Variants in GRIK1 observed in about 807,000 individuals in gnomAD.
GRIK1 encodes the protein glutamate ionotropic receptor kainate type subunit 1.
In GRIK1, 69 loss-of-function variants were observed where a neutral mutation model predicts 105.7. That is an observed-to-expected ratio of 0.65 (90% CI 0.54 to 0.80). The LOEUF (loss-of-function observed/expected upper bound fraction) is 0.80, where lower values mean the gene tolerates loss of function less well. Among genes scored for constraint, GRIK1 ranks in the 30% least tolerant of loss-of-function variants. GRIK1 has a pLI of 0.00. For missense variants in GRIK1, 1,109 were observed against 1,167.3 expected (o/e 0.95, Z 0.73); for synonymous variants, 438 against 431.3 (o/e 1.02, Z -0.19).
intron 1 of GRIK1, among the ~76,000 whole-genome samples, chr21:29,806,103 T>C (rs966964354): frequency 1.1e-4 from 17 of 152,216 alleles, no homozygotes; most frequent in African/African-American, 3.9e-4. Flanking sequence ...ATTTACTGTA[T>C]GCATTTATTT....
intron 6 of GRIK1, among the ~76,000 whole-genome samples, chr21:29,647,988 G>A (rs1266083697): frequency 6.6e-6 from 1 of 151,966 alleles, no homozygotes; most frequent in East Asian, 1.9e-4. Flanking sequence ...CTGGTGTCAA[G>A]ACTTTTTGGA....
At chr21:29,686,999 G>C (rs2063497664) in intron 3 of GRIK1, among the ~76,000 whole-genome samples, 1 of 152,190 alleles carries the variant, frequency 6.6e-6, no homozygotes, top group South Asian at 2.1e-4. Flanking sequence ...CTAACGGGAA[G>C]GACATCCAGG....
At chr21:29,790,834 T>A (rs1209469415) in intron 1 of GRIK1, among the ~76,000 whole-genome samples, 2 of 152,234 alleles carry the variant, frequency 1.3e-5, no homozygotes, top group East Asian at 3.8e-4. Context: ...GATTCTAGGA[T>A]ACCACAGTGA....
At chr21:29,777,703 G>A (rs772371383) in intron 1 of GRIK1, among the ~76,000 whole-genome samples, 1 of 152,132 alleles carries the variant, frequency 6.6e-6, no homozygotes, top group Non-Finnish European at 1.5e-5. Flanking sequence ...GCTGAAGGAC[G>A]TTAAGTACAG....
intron 4 of GRIK1, among the ~76,000 whole-genome samples, chr21:29,666,985 T>G (rs543486842): frequency 1.3e-5 from 2 of 152,340 alleles, no homozygotes; most frequent in African/African-American, 4.8e-5. Flanking sequence ...CTATCCAGAA[T>G]GTTCTCATAA....
At chr21:29,552,553 G>T (rs1282825426) in intron 16 of GRIK1, among the ~76,000 whole-genome samples, 1 of 151,944 alleles carries the variant, frequency 6.6e-6, no homozygotes, top group Non-Finnish European at 1.5e-5. Context: ...AATAATGATG[G>T]ATCCAAAGAA....
intron 1 of GRIK1, among the ~76,000 whole-genome samples, chr21:29,812,206 C>T (rs532424588): frequency 6.6e-6 from 1 of 152,194 alleles, no homozygotes; most frequent in South Asian, 2.1e-4. Context: ...TCTACTGTAA[C>T]CTCAATCTCT....
intron 7 of GRIK1, among the ~76,000 whole-genome samples, chr21:29,604,624 G>C (rs1401736916): frequency 8.5e-5 from 13 of 152,142 alleles, no homozygotes; most frequent in Non-Finnish European, 1.5e-5. Flanking sequence ...CCATGTGCTT[G>C]CCTTATGTAG....
intron 1 of GRIK1, among the ~76,000 whole-genome samples, chr21:29,865,517 G>A (rs1601888222): frequency 6.6e-6 from 1 of 151,754 alleles, no homozygotes; most frequent in Non-Finnish European, 1.5e-5. Flanking sequence ...AATGAAATGT[G>A]TAAACACAAT....
At chr21:29,756,119 C>T (rs943867552) in intron 1 of GRIK1, among the ~76,000 whole-genome samples, 7 of 152,198 alleles carry the variant, frequency 4.6e-5, no homozygotes, top group Admixed American at 3.9e-4. Context: ...CGGTGGCTCA[C>T]GCCTGTAATC....
intron 1 of GRIK1, among the ~76,000 whole-genome samples, chr21:29,806,552 T>C (rs1278431590): frequency 6.6e-6 from 1 of 152,166 alleles, no homozygotes; most frequent in Non-Finnish European, 1.5e-5. Flanking sequence ...GGTAATTCCA[T>C]ATTATTTAAA....
chr21:29,565,275 TG>T (rs2090586443), intron 14 of GRIK1, among the ~76,000 whole-genome samples: 1 of 152,234 alleles, frequency 6.6e-6, no homozygotes, highest in Non-Finnish European at 1.5e-5. Context: ...TTTGCTGTTG[TG>T]GGGCTTTATT....
intron 1 of GRIK1, among the ~76,000 whole-genome samples, chr21:29,887,446 G>GT (rs2069672952): frequency 6.6e-6 from 1 of 152,270 alleles, no homozygotes; most frequent in Non-Finnish European, 1.5e-5. Context: ...CTTCCATTAA[G>GT]TAGTCACCTG....
chr21:29,627,044 T>A (rs2062147416), intron 7 of GRIK1, among the ~76,000 whole-genome samples: 1 of 152,190 alleles, frequency 6.6e-6, no homozygotes, highest in South Asian at 2.1e-4. Flanking sequence ...GAAAATATGG[T>A]TTAAATAAAC....
At chr21:29,866,892 T>G (rs1447718139) in intron 1 of GRIK1, among the ~76,000 whole-genome samples, 1 of 152,216 alleles carries the variant, frequency 6.6e-6, no homozygotes, top group Non-Finnish European at 1.5e-5. Flanking sequence ...AAAGTACACT[T>G]GAATATCTAC....
chr21:29,558,931 G>A (rs542871865), intron 15 of GRIK1, among the ~76,000 whole-genome samples: 3 of 152,128 alleles, frequency 2.0e-5, no homozygotes, highest in Admixed American at 6.5e-5. Flanking sequence ...GCTGTAGAAG[G>A]AATGTCAATT....
chr21:29,648,407 A>G (rs940997849), intron 6 of GRIK1, among the ~76,000 whole-genome samples: 1 of 152,210 alleles, frequency 6.6e-6, no homozygotes, highest in Non-Finnish European at 1.5e-5. Flanking sequence ...ACATTCACAT[A>G]TATCTTGTTT....
chr21:29,738,752 T>G (rs113488182), intron 1 of GRIK1, among the ~76,000 whole-genome samples: 8,980 of 152,298 alleles, frequency 0.059, 303 homozygotes, highest in African/African-American at 0.067. Context: ...AGTCATAGAA[T>G]GTAAAAGGAA....
At chr21:29,681,640 T>C (rs923327235) in intron 3 of GRIK1, among the ~76,000 whole-genome samples, 1 of 152,238 alleles carries the variant, frequency 6.6e-6, no homozygotes, top group Non-Finnish European at 1.5e-5. Flanking sequence ...TCTGCTCTAC[T>C]TTTTCTTTCT....
Sources: allele counts gnomAD v4.1 joint callset (sites outside exome capture counted in the v4.1 genomes callset), GRCh38; gene constraint gnomAD v4.1.1; transcripts MANE v1.5; gene names NCBI Gene and HGNC (gene_info 2026-07-23, HGNC 2026-07-21).